SUSD6: variants seen among roughly 807,000 people sequenced by gnomAD.
SUSD6 encodes the protein sushi domain-containing protein 6.
A neutral mutation model predicts 28.4 loss-of-function variants in SUSD6; 16 were observed. That is an observed-to-expected ratio of 0.56 (90% CI 0.38 to 0.86). The LOEUF is 0.86. SUSD6 is among the 40% of genes least tolerant of loss of function. SUSD6 has a pLI of 0.00. For synonymous variants in SUSD6, 147 were observed against 159.6 expected (o/e 0.92, Z 0.59); for missense variants, 341 against 384.2 (o/e 0.89, Z 0.94).
chr14:69,664,415 T>C (rs1197953248), intron 2 of SUSD6, among the ~76,000 whole-genome samples: 1 of 152,160 alleles, frequency 6.6e-6, no homozygotes, highest in African/African-American at 2.4e-5. Context: ...TAAATGAGGA[T>C]ATAGTTCCCA....
chr14:69,658,714 G>C lies in SUSD6; in HGVS notation c.121+1G>C, dbSNP rs111343998. 1 of 1,613,958 alleles carries C rather than the reference G, an allele frequency of 6.2e-7. No individual in the cohort carries two copies. Among genetic ancestry groups the C allele is most frequent in the Non-Finnish European group, 8.5e-7 (1 of 1,179,904 alleles). On this transcript the variant is annotated splice_donor_variant, in intron 2 of 5. Transcript: ENST00000342745. LOFTEE classifies it high-confidence loss of function. ...CTGCTTGGAGACGGACTTGCTTCCGGTAAGTCCTGACCTGCCTTCTGTGTG... is the reference window on the plus strand; with the variant it reads ...CTGCTTGGAGACGGACTTGCTTCCGCTAAGTCCTGACCTGCCTTCTGTGTG...
intron 1 of SUSD6, among the ~76,000 whole-genome samples, chr14:69,648,408 TA>T (rs1885458401): frequency 6.6e-6 from 1 of 152,194 alleles, no homozygotes; most frequent in East Asian, 1.9e-4. Flanking sequence ...GTTGAGCACC[TA>T]TTTTTTGTTT....
chr14:69,635,574 C>T (rs746762728), intron 1 of SUSD6, among the ~76,000 whole-genome samples: 5 of 150,476 alleles, frequency 3.3e-5, no homozygotes, highest in Non-Finnish European at 7.4e-5. Flanking sequence ...TCTCCTCTGC[C>T]CCCACTCCAC....
At chr14:69,692,051 A>AG (rs1330726962) in intron 2 of SUSD6, among the ~76,000 whole-genome samples, 1 of 152,014 alleles carries the variant, frequency 6.6e-6, no homozygotes, top group Non-Finnish European at 1.5e-5. Flanking sequence ...AAAAAAAAAA[A>AG]AAAAAGAAGT....
Position 69,697,775 on chromosome 14 carries a change from A to G in SUSD6, c.122-5620A>G, listed in dbSNP as rs531171259. Among the ~76,000 whole-genome samples the G allele has an allele frequency of 2.0e-5, 3 of 152,142 alleles. No homozygotes were observed. The East Asian group carries it at 5.8e-4, about 29-fold the overall frequency. ...CCTCCCTGGGTGCCGATGAATGATCACCTAGCCAGAAGGACACCCCAGGCT... is the reference window on the plus strand; with the variant it reads ...CCTCCCTGGGTGCCGATGAATGATCGCCTAGCCAGAAGGACACCCCAGGCT... On this transcript the variant is annotated intron_variant, in intron 2 of 5. Transcript: ENST00000342745.
At chr14:69,644,743 A>G (rs141280150) in intron 1 of SUSD6, among the ~76,000 whole-genome samples, 31 of 152,256 alleles carry the variant, frequency 2.0e-4, no homozygotes, top group African/African-American at 7.5e-4. Flanking sequence ...ACTTTGCCTA[A>G]TTTGGATTAC....
intron 1 of SUSD6, among the ~76,000 whole-genome samples, chr14:69,634,483 G>T (rs1456974092): frequency 6.6e-6 from 1 of 152,210 alleles, no homozygotes; most frequent in African/African-American, 2.4e-5. Flanking sequence ...TTCTGACTTG[G>T]TAGGGCTTTA....
intron 1 of SUSD6, among the ~76,000 whole-genome samples, chr14:69,622,369 T>C (rs968014835): frequency 3.3e-5 from 5 of 152,056 alleles, no homozygotes; most frequent in African/African-American, 1.2e-4. Context: ...GGTTTTGCCA[T>C]GTTGCCCAGG....
intron 2 of SUSD6, among the ~76,000 whole-genome samples, chr14:69,679,480 A>G (rs1302301281): frequency 6.6e-6 from 1 of 152,162 alleles, no homozygotes; most frequent in Non-Finnish European, 1.5e-5. Context: ...AATAATTTTT[A>G]GTAGTGTAAA....
chr14:69,693,674 C>G (rs1385111365), intron 2 of SUSD6, among the ~76,000 whole-genome samples: 5 of 152,194 alleles, frequency 3.3e-5, no homozygotes, highest in African/African-American at 1.2e-4. Flanking sequence ...AAGACCCTTT[C>G]AAGTATGCAG....
intron 1 of SUSD6, among the ~76,000 whole-genome samples, chr14:69,639,052 G>T (rs138999212): frequency 1.3e-5 from 2 of 152,168 alleles, no homozygotes; most frequent in African/African-American, 2.4e-5. Context: ...CAGGCCGGGT[G>T]CAGTGGCTCA....
At chr14:69,669,249 A>T (rs1298937634) in intron 2 of SUSD6, among the ~76,000 whole-genome samples, 1 of 151,800 alleles carries the variant, frequency 6.6e-6, no homozygotes, top group East Asian at 1.9e-4. Context: ...TTTTTAATAG[A>T]GACGGAGTTT....
intron 1 of SUSD6, among the ~76,000 whole-genome samples, chr14:69,629,086 G>C (rs2139595974): frequency 6.6e-6 from 1 of 152,148 alleles, no homozygotes; most frequent in Admixed American, 6.5e-5. Flanking sequence ...GAGGGAGGCA[G>C]AGAACAAATG....
At chr14:69,642,842 G>C (rs1459008002) in intron 1 of SUSD6, among the ~76,000 whole-genome samples, 1 of 152,088 alleles carries the variant, frequency 6.6e-6, no homozygotes, top group Admixed American at 6.5e-5. Flanking sequence ...TTCCTCAGAG[G>C]CATGCACAGA....
In SUSD6 at chr14:69,630,009, C is replaced by G. The variant is rs1412659084; in HGVS notation, c.-81+18181C>G. Among the ~76,000 whole-genome samples, 3 of 152,292 alleles carry G rather than the reference C, an allele frequency of 2.0e-5. No homozygotes were observed. The East Asian group carries it at 5.8e-4, about 29-fold the overall frequency. Reference sequence around the variant, plus strand: ...TAGTGGTAATGAATTGAGAGTGCTTCTAAAGGTATTAAGCTCTTGATTTAT... The same window carrying G: ...TAGTGGTAATGAATTGAGAGTGCTTGTAAAGGTATTAAGCTCTTGATTTAT... On this transcript the variant is annotated intron_variant, in intron 1 of 5. Transcript: ENST00000342745.
intron 2 of SUSD6, among the ~76,000 whole-genome samples, chr14:69,668,837 G>A (rs906862470): frequency 6.6e-6 from 1 of 151,268 alleles, no homozygotes; most frequent in Non-Finnish European, 1.5e-5. Flanking sequence ...AAAATATGTA[G>A]CACCCCCTCC....
intron 1 of SUSD6, among the ~76,000 whole-genome samples, chr14:69,621,259 G>A (rs1885036265): frequency 6.6e-6 from 1 of 152,314 alleles, no homozygotes; most frequent in South Asian, 2.1e-4. Context: ...GAGGTTATGA[G>A]CCTTGATGAC....
rs1003964653 is a variant in SUSD6 at position 69,677,672 on chromosome 14, CA to C, written c.121+18960del. Among the ~76,000 whole-genome samples the C allele has an allele frequency of 9.5e-4, 145 of 152,076 alleles. 1 individual carries two copies. The highest frequency in any genetic ancestry group is 3.9e-4 in the East Asian group (2 of 5,186). Reference sequence around the variant, plus strand: ...CAGTGGAGACAGCTGCATGGTCAATCAGGGGGTGAGTAGAAACAGATCTGCC... The same window carrying C: ...CAGTGGAGACAGCTGCATGGTCAATCGGGGGTGAGTAGAAACAGATCTGCC... On this transcript the variant is annotated intron_variant, in intron 2 of 5. Transcript: ENST00000342745.
intron 2 of SUSD6, among the ~76,000 whole-genome samples, chr14:69,692,662 A>C (rs1214860769): frequency 6.6e-6 from 1 of 152,266 alleles, no homozygotes; most frequent in East Asian, 1.9e-4. Flanking sequence ...GTGTTTCTTG[A>C]GGCCCTGCTG....
Sources: allele counts gnomAD v4.1 joint callset (sites outside exome capture counted in the v4.1 genomes callset), GRCh38; gene constraint gnomAD v4.1.1; transcripts MANE v1.5; gene names NCBI Gene and HGNC (gene_info 2026-07-23, HGNC 2026-07-21).